The following PDIA5 variants were observed in gnomAD, a reference collection of about 807,000 sequenced individuals.
PDIA5 encodes the protein protein disulfide isomerase family A member 5, also known as protein disulfide-isomerase A5.
A neutral mutation model predicts 77.6 loss-of-function variants in PDIA5; 58 were observed. That is an observed-to-expected ratio of 0.75 (90% CI 0.61 to 0.93). The LOEUF (loss-of-function observed/expected upper bound fraction) is 0.93, where lower values mean the gene tolerates loss of function less well. PDIA5 is among the 40% of genes least tolerant of loss of function. PDIA5 has a pLI of 0.00. For synonymous variants in PDIA5, 250 were observed against 252.1 expected, an observed-to-expected ratio of 0.99 and a Z score of 0.08; for missense variants, 630 against 647.7, an observed-to-expected ratio of 0.97 and a Z score of 0.30.
rs1189955246 is a variant in PDIA5 at position 123,137,828 on chromosome 3, T to C, written c.910+7212T>C. Among the ~76,000 whole-genome samples the C allele has an allele frequency of 2.6e-5, 4 of 152,220 alleles. No individual in the cohort carries two copies. In the East Asian group the frequency reaches 7.7e-4, roughly 29 times the overall value. ...CATCCTGACCTCTGGGATTTGTGGG[T>C]TGTTTAGGAAATTCTCCCTTAGGAT... On this transcript the variant is annotated intron_variant, in intron 11 of 16. Transcript: ENST00000316218.
intron 10 of PDIA5, among the ~76,000 whole-genome samples, chr3:123,124,636 T>G (rs773809812): frequency 2.1e-4 from 32 of 152,322 alleles, no homozygotes; most frequent in Non-Finnish European, 4.4e-5. Context: ...GGGTTGGAAC[T>G]GGGGAGGGGC....
intron 11 of PDIA5, among the ~76,000 whole-genome samples, chr3:123,140,172 A>G (rs561858966): frequency 6.6e-6 from 1 of 152,190 alleles, no homozygotes; most frequent in African/African-American, 2.4e-5. Context: ...AACATGTTCC[A>G]GGGCCCTGGG....
At chr3:123,124,019 G>T in intron 8 of PDIA5, 47 bp from the exon 9 acceptor site, 2 of 1,214,032 alleles carry the variant, frequency 1.6e-6, no homozygotes, top group Non-Finnish European at 2.5e-6. Context: ...ACTAGAGGGT[G>T]TCTGTGGGGC....
chr3:123,092,703 T>C (rs893774723), intron 3 of PDIA5, among the ~76,000 whole-genome samples: 5 of 152,186 alleles, frequency 3.3e-5, no homozygotes, highest in African/African-American at 1.2e-4. Flanking sequence ...TGTGTTTCTT[T>C]CTTCTGTCTT....
chr3:123,142,784 C>A (rs536738877), intron 11 of PDIA5, among the ~76,000 whole-genome samples: 2 of 152,306 alleles, frequency 1.3e-5, no homozygotes, highest in East Asian at 3.9e-4. Flanking sequence ...CCTTGCTCAG[C>A]CCTGGCAGCG....
At chr3:123,090,861 T>C (rs1247806146) in intron 2 of PDIA5, among the ~76,000 whole-genome samples, 2 of 152,154 alleles carry the variant, frequency 1.3e-5, no homozygotes, top group African/African-American at 4.8e-5. Context: ...CTGCTTTCAT[T>C]GCCTGATGGG....
At chr3:123,111,329 G>A (rs1010940065) in intron 7 of PDIA5, among the ~76,000 whole-genome samples, 5 of 152,298 alleles carry the variant, frequency 3.3e-5, no homozygotes, top group East Asian at 3.9e-4. Flanking sequence ...CCTCAGTGGC[G>A]GTCACCTTGT....
intron 1 of PDIA5, among the ~76,000 whole-genome samples, chr3:123,085,306 G>A (rs1934108938): frequency 6.6e-6 from 1 of 152,226 alleles, no homozygotes; most frequent in South Asian, 2.1e-4. Context: ...AGGGTAGGGA[G>A]GAGATGGATC....
chr3:123,067,076 G>A lies in PDIA5; in HGVS notation c.-89G>A, dbSNP rs1014265006. ...GGGGAGCGGCTGGGAAGTGGCCGTG[G>A]TGGTTGGCCGCGGTGGAGCTAGCAG... On this transcript the variant is annotated 5_prime_UTR_variant, in exon 1 of 17. In the 5' UTR this introduces an upstream ATG that the reference lacks. Transcript: ENST00000316218. 3 of 1,096,634 alleles carry A rather than the reference G, an allele frequency of 2.7e-6. No homozygotes were observed. The African/African-American group carries it at 4.9e-5, about 18-fold the overall frequency. The allele number at this position is 1,096,634 out of a possible 1,614,324, so 67.9% of individuals were successfully genotyped here. A position where few individuals can be genotyped will look rare whatever the true frequency, so the allele number is the denominator to read the frequency against.
chr3:123,081,668 C>T (rs1934006046), intron 1 of PDIA5, among the ~76,000 whole-genome samples: 1 of 152,206 alleles, frequency 6.6e-6, no homozygotes, highest in African/African-American at 2.4e-5. Context: ...TGTTAAACTT[C>T]TGTTCCCAAG....
At chr3:123,154,435 A>G (rs1401674405) in intron 14 of PDIA5, among the ~76,000 whole-genome samples, 3 of 152,182 alleles carry the variant, frequency 2.0e-5, no homozygotes, top group Admixed American at 2.0e-4. Context: ...TTGGCTGCTC[A>G]CAGTCTGGGC....
At chr3:123,112,331 A>G (rs1345894893) in intron 7 of PDIA5, among the ~76,000 whole-genome samples, 1 of 152,038 alleles carries the variant, frequency 6.6e-6, no homozygotes. Flanking sequence ...CTGGTTTGTC[A>G]TAGCAAACCA....
chr3:123,112,210 C>G (rs546304339), intron 7 of PDIA5, among the ~76,000 whole-genome samples: 1 of 152,188 alleles, frequency 6.6e-6, no homozygotes, highest in Non-Finnish European at 1.5e-5. Context: ...CGGCCCTTCA[C>G]GAAGCCAGCA....
chr3:123,107,642 C>T (rs1934767568), intron 6 of PDIA5, among the ~76,000 whole-genome samples: 1 of 152,212 alleles, frequency 6.6e-6, no homozygotes, highest in Admixed American at 6.5e-5. Context: ...GATGCCTTCA[C>T]TTGGGATGGG....
At chr3:123,091,020 C>G (rs1339248385) in intron 2 of PDIA5, among the ~76,000 whole-genome samples, 1 of 152,148 alleles carries the variant, frequency 6.6e-6, no homozygotes, top group Non-Finnish European at 1.5e-5. Context: ...CTTTCCATGG[C>G]TAAAATGCAG....
At chr3:123,132,695 G>A (rs936434598) in intron 11 of PDIA5, among the ~76,000 whole-genome samples, 1 of 152,220 alleles carries the variant, frequency 6.6e-6, no homozygotes, top group Non-Finnish European at 1.5e-5. Flanking sequence ...CAGCCTCAGA[G>A]CTGCTGCTGG....
chr3:123,118,625 A>G (rs1935045903), intron 8 of PDIA5, among the ~76,000 whole-genome samples: 1 of 152,166 alleles, frequency 6.6e-6, no homozygotes, highest in Admixed American at 6.5e-5. Flanking sequence ...AGATACGTTC[A>G]TCTTTGCTTT....
At position 123,127,441 on chromosome 3, in the gene PDIA5, A is replaced by C. The variant is rs148997612; in HGVS notation, c.774-3039A>C. Reference sequence around the variant, plus strand: ...AGGAGCATTTGGGTAGTACTTTATAAAGTTACAAAGCATCTCACATCCATT... The same window carrying C: ...AGGAGCATTTGGGTAGTACTTTATACAGTTACAAAGCATCTCACATCCATT... On this transcript the variant is annotated intron_variant, in intron 10 of 16. Transcript: ENST00000316218. Among the ~76,000 whole-genome samples, 20 of 152,326 alleles carry C rather than the reference A, an allele frequency of 1.3e-4. No homozygotes were observed. In the East Asian group the frequency reaches 2.1e-3, roughly 16 times the overall value.
At chr3:123,107,416 G>T (rs1934761862) in intron 6 of PDIA5, among the ~76,000 whole-genome samples, 2 of 152,176 alleles carry the variant, frequency 1.3e-5, no homozygotes, top group Admixed American at 1.3e-4. Context: ...CAGGCCGGTT[G>T]TGGTAGCGGG....
Sources: gnomAD v4.1 joint callset for allele counts (sites outside exome capture counted in the v4.1 genomes callset) on GRCh38, gnomAD v4.1.1 for gene constraint, MANE v1.5 for transcripts, NCBI Gene and HGNC (gene_info 2026-07-23, HGNC 2026-07-21) for gene names.